Variants in NRXN3 observed in about 807,000 individuals in gnomAD.
NRXN3 encodes the protein neurexin 3.
NRXN3 carries 32 observed loss-of-function variants against 137.6 expected under a neutral mutation model. The observed-to-expected ratio is 0.23, with a 90% confidence interval of 0.18 to 0.31. NRXN3 has a LOEUF of 0.31. NRXN3 is among the 10% of genes least tolerant of loss of function. The probability of loss-of-function intolerance (pLI) is 1.00; values close to 1 mark genes in which losing one functional copy is unlikely to be tolerated. For synonymous variants in NRXN3, 798 were observed against 784.5 expected, an observed-to-expected ratio of 1.02 and a Z score of -0.29; for missense variants, 1,574 against 2,062.5, an observed-to-expected ratio of 0.76 and a Z score of 4.59.
chr14:79,148,051 A>G (rs1194667677), intron 15 of NRXN3, among the ~76,000 whole-genome samples: 1 of 152,144 alleles, frequency 6.6e-6, no homozygotes, highest in Non-Finnish European at 1.5e-5. Context: ...ACGTATAAAA[A>G]TTCATGTATT....
At chr14:79,422,007 T>C (rs1235226617) in intron 15 of NRXN3, among the ~76,000 whole-genome samples, 1 of 150,568 alleles carries the variant, frequency 6.6e-6, no homozygotes, top group Non-Finnish European at 1.5e-5. Context: ...TCTTTTCTGA[T>C]CTTGCTCTTA....
intron 4 of NRXN3, among the ~76,000 whole-genome samples, chr14:78,475,356 G>A (rs1460067467): frequency 3.3e-5 from 5 of 152,202 alleles, no homozygotes; most frequent in African/African-American, 4.8e-5. Context: ...ACACATAGGG[G>A]CAAGTTCATC....
At chr14:79,129,682 T>G (rs1028966756) in intron 15 of NRXN3, among the ~76,000 whole-genome samples, 1 of 125,512 alleles carries the variant, frequency 8.0e-6, no homozygotes, top group African/African-American at 2.8e-5. Context: ...GTTCTGTAGA[T>G]GTCTATTAGG....
rs75832772 is a variant in NRXN3 at position 79,253,258 on chromosome 14, C to G, written c.3263-213963C>G. Among the ~76,000 whole-genome samples, 122 of 152,254 alleles carry G rather than the reference C, an allele frequency of 8.0e-4. 1 individual carries two copies. The highest frequency in any genetic ancestry group is 2.6e-3 in the African/African-American group (109 of 41,546). ...GGGCTCTGAAAGGATTGCGTTTTGA[C>G]AGGAGGAAGGTGTTGAACCACTACT... On this transcript the variant is annotated intron_variant, in intron 15 of 20. Transcript: ENST00000335750.
chr14:78,771,988 T>A (rs2098729761), intron 8 of NRXN3, among the ~76,000 whole-genome samples: 1 of 152,200 alleles, frequency 6.6e-6, no homozygotes, highest in Non-Finnish European at 1.5e-5. Flanking sequence ...AGTCTAAACA[T>A]GAAATTCATT....
At chr14:78,925,101 C>T (rs944883293) in intron 10 of NRXN3, among the ~76,000 whole-genome samples, 6 of 152,142 alleles carry the variant, frequency 3.9e-5, no homozygotes, top group South Asian at 2.1e-4. Context: ...CTCATTTGAG[C>T]GTTCTGACAA....
In NRXN3 at chr14:79,643,515, T is replaced by C. The variant is rs142929175; in HGVS notation, c.3445-20263T>C. Among the ~76,000 whole-genome samples the C allele has an allele frequency of 1.0e-3, 140 of 135,812 alleles. 7 individuals are homozygous for C. Among genetic ancestry groups the C allele is most frequent in the African/African-American group, 3.3e-3 (137 of 40,900 alleles). 89.1% of individuals were successfully genotyped at this position (135,812 alleles called of 152,430 possible). Reference sequence around the variant, plus strand: ...TTTTTTTTCTGGTCATTTTGCTCAATGACTTCCTAATACCAACTGAAGAGA... The same window carrying C: ...TTTTTTTTCTGGTCATTTTGCTCAACGACTTCCTAATACCAACTGAAGAGA... On this transcript the variant is annotated intron_variant, in intron 16 of 20. Coordinates refer to ENST00000335750, the MANE Select transcript of NRXN3 (RefSeq NM_001330195.2).
chr14:79,124,779 G>A (rs2056101983), intron 15 of NRXN3, among the ~76,000 whole-genome samples: 1 of 152,010 alleles, frequency 6.6e-6, no homozygotes, highest in South Asian at 2.1e-4. Flanking sequence ...AAGACTGCAG[G>A]GTATTAATCA....
chr14:78,245,941 A>G (rs527888690), intron 2 of NRXN3, among the ~76,000 whole-genome samples: 1 of 152,336 alleles, frequency 6.6e-6, no homozygotes, highest in South Asian at 2.1e-4. Flanking sequence ...AGTGCTTCTC[A>G]CAAGCAGGTG....
At chr14:79,529,329 G>A (rs1966677) in intron 16 of NRXN3, among the ~76,000 whole-genome samples, 144,052 of 152,308 alleles carry the variant, frequency 0.95, 68,166 homozygotes, top group East Asian at 1. Context: ...GAATCTATGA[G>A]TAACATCGGT....
At chr14:78,677,925 T>A (rs1250400048) in intron 6 of NRXN3, among the ~76,000 whole-genome samples, 5 of 152,144 alleles carry the variant, frequency 3.3e-5, no homozygotes, top group Non-Finnish European at 5.9e-5. Context: ...GCATTTTTTT[T>A]AACAATAAAG....
intron 15 of NRXN3, among the ~76,000 whole-genome samples, chr14:79,453,581 T>G (rs1306083872): frequency 6.6e-6 from 1 of 152,162 alleles, no homozygotes; most frequent in South Asian, 2.1e-4. Flanking sequence ...AAAATCTGAG[T>G]GCATTCTATG....
intron 8 of NRXN3, among the ~76,000 whole-genome samples, chr14:78,745,916 C>T (rs2098605018): frequency 6.6e-6 from 1 of 152,116 alleles, no homozygotes; most frequent in African/African-American, 2.4e-5. Context: ...TCCTCACTTC[C>T]CTCCCAAAAA....
At chr14:79,009,479 A>G (rs143705071) in intron 15 of NRXN3, among the ~76,000 whole-genome samples, 86 of 152,288 alleles carry the variant, frequency 5.6e-4, no homozygotes, top group African/African-American at 2.0e-3. Context: ...GCATGATTAA[A>G]TCCAGTTGTC....
chr14:78,313,733 A>T (rs2078248169), intron 4 of NRXN3, among the ~76,000 whole-genome samples: 2 of 152,144 alleles, frequency 1.3e-5, no homozygotes, highest in Admixed American at 6.6e-5. Context: ...TAAAATGGGG[A>T]TGCTAATATA....
intron 4 of NRXN3, among the ~76,000 whole-genome samples, chr14:78,315,892 C>G (rs2078655742): frequency 6.6e-6 from 1 of 152,158 alleles, no homozygotes; most frequent in Admixed American, 6.5e-5. Context: ...GAACAGTTAA[C>G]TGATGGCAAC....
intron 4 of NRXN3, among the ~76,000 whole-genome samples, chr14:78,630,826 C>G (rs1049533813): frequency 6.6e-6 from 1 of 152,040 alleles, no homozygotes; most frequent in Non-Finnish European, 1.5e-5. Context: ...AGGATGGTCT[C>G]GATCTCCTGA....
intron 15 of NRXN3, among the ~76,000 whole-genome samples, chr14:79,185,170 T>C (rs1222923701): frequency 6.6e-6 from 1 of 152,204 alleles, no homozygotes; most frequent in Non-Finnish European, 1.5e-5. Context: ...TTTTTATTTC[T>C]AATAAGCTCG....
chr14:78,751,824 T>A (rs1218063806), intron 8 of NRXN3, among the ~76,000 whole-genome samples: 1 of 152,142 alleles, frequency 6.6e-6, no homozygotes, highest in Non-Finnish European at 1.5e-5. Context: ...TTGTTAGAAA[T>A]GCAAAATCTG....
Sources: gnomAD v4.1 joint callset for allele counts (sites outside exome capture counted in the v4.1 genomes callset) on GRCh38, gnomAD v4.1.1 for gene constraint, MANE v1.5 for transcripts, NCBI Gene and HGNC (gene_info 2026-07-23, HGNC 2026-07-21) for gene names.